Variants in ZEB2 observed in about 807,000 individuals in gnomAD.
ZEB2 encodes the protein zinc finger E-box-binding homeobox 2.
ZEB2 carries 6 observed loss-of-function variants against 99.9 expected under a neutral mutation model. That is an observed-to-expected ratio of 0.06 (90% CI 0.03 to 0.12). ZEB2 has a LOEUF of 0.12. Among genes scored for constraint, ZEB2 ranks in the 10% least tolerant of loss-of-function variants. The pLI, the probability that ZEB2 is intolerant of heterozygous loss-of-function variation, is 1.00. For synonymous variants in ZEB2, 517 were observed against 542.5 expected (o/e 0.95, Z 0.65); for missense variants, 969 against 1,502.8 (o/e 0.64, Z 5.87).
intron 2 of ZEB2, among the ~76,000 whole-genome samples, chr2:144,471,002 G>T (rs1704347578): frequency 6.6e-6 from 1 of 152,222 alleles, no homozygotes; most frequent in Non-Finnish European, 1.5e-5. Context: ...AGGACAAAAA[G>T]AAAATAAGGA....
chr2:144,494,178 A>T lies in ZEB2; in HGVS notation c.73+23100T>A, dbSNP rs1462390789. ...AAAAAAAAAAAAAAAAAAAAAAAAT[A>T]GATTGTCAAAAACTCTAATAAAACA... On this transcript the variant is annotated intron_variant, in intron 2 of 9. Coordinates refer to ENST00000627532, the MANE Select transcript of ZEB2 (RefSeq NM_014795.4). 3.3e-5 allele frequency: 5 copies of T among 149,686 alleles called. No individual in the cohort carries two copies. The East Asian group carries it at 9.8e-4, about 29-fold the overall frequency. 9.3% of individuals were successfully genotyped at this position (149,686 alleles called of 1,614,324 possible). A position where few individuals can be genotyped will look rare whatever the true frequency, so the allele number is the denominator to read the frequency against.
chr2:144,455,922 C>T (rs891692503), intron 2 of ZEB2, among the ~76,000 whole-genome samples: 2 of 152,066 alleles, frequency 1.3e-5, no homozygotes, highest in African/African-American at 4.8e-5. Flanking sequence ...GTTAGAATCA[C>T]ATAATCTTAA....
At chr2:144,405,120 C>A (rs1703369721) in intron 4 of ZEB2, 96 bp from the exon 5 acceptor site, 13 of 1,261,324 alleles carry the variant, frequency 1.0e-5, no homozygotes, top group Non-Finnish European at 1.5e-5. Flanking sequence ...TGCTGACTTG[C>A]AATAGACTAC....
intron 2 of ZEB2, among the ~76,000 whole-genome samples, chr2:144,448,439 G>A (rs1284459336): frequency 6.6e-6 from 1 of 152,162 alleles, no homozygotes; most frequent in Non-Finnish European, 1.5e-5. Flanking sequence ...CAGCTAAGTG[G>A]TGAAATTGAG....
Position 144,399,867 on chromosome 2 carries a change from A to C in ZEB2, c.1320T>G (p.Gly440=). ...CAAGTAAAGGGGCTTCCATCCCTAC[A>C]CCTAAGTGCTGCATTGGACTCTGAG... ...PSAQSPMQHL[G]VGMEAPLLGF... is the part of the protein sequence containing the mutation. Residue 440 remains glycine, a synonymous_variant, in exon 8 of 10, where the codon GGT becomes GGG. Transcript: ENST00000627532. The surrounding 1 kb of genome is among the most constrained non-coding windows in gnomAD (Gnocchi z 5.6). The C allele has an allele frequency of 6.2e-7, 1 of 1,614,166 alleles. No homozygotes were observed. Among genetic ancestry groups the C allele is most frequent in the South Asian group, 1.1e-5 (1 of 91,080 alleles).
At chr2:144,513,819 T>C (rs768732670) in intron 2 of ZEB2, 1 of 1,535,906 alleles carries the variant, frequency 6.5e-7, no homozygotes, top group Non-Finnish European at 8.7e-7. Flanking sequence ...TAGTGGGGTA[T>C]AATCAGGGGA....
intron 2 of ZEB2, among the ~76,000 whole-genome samples, chr2:144,487,589 T>C (rs1056195300): frequency 1.3e-5 from 2 of 152,264 alleles, no homozygotes; most frequent in African/African-American, 4.8e-5. Context: ...TATTTAACTT[T>C]ACAATTATAT....
At chr2:144,435,845 G>T (rs1703830205) in intron 2 of ZEB2, among the ~76,000 whole-genome samples, 1 of 151,678 alleles carries the variant, frequency 6.6e-6, no homozygotes, top group Non-Finnish European at 1.5e-5. Flanking sequence ...CCAAGTATGT[G>T]CTACTGAGGA....
intron 2 of ZEB2, among the ~76,000 whole-genome samples, chr2:144,437,930 T>C (rs768035617): frequency 4.6e-5 from 7 of 152,208 alleles, no homozygotes; most frequent in Non-Finnish European, 8.8e-5. Context: ...ATTGTTTTAG[T>C]TGCCCCACCC....
chr2:144,401,882 A>G (rs999205238), intron 6 of ZEB2, among the ~76,000 whole-genome samples: 2 of 152,268 alleles, frequency 1.3e-5, no homozygotes, highest in African/African-American at 4.8e-5. Context: ...TCATTACATG[A>G]TGAGCATGTT....
chr2:144,483,148 A>ACACACACATG lies in ZEB2; in HGVS notation c.73+34129_73+34130insCATGTGTGTG, dbSNP rs1553968380. On this transcript the variant is annotated intron_variant, in intron 2 of 9. Transcript: ENST00000627532. Reference sequence around the variant, plus strand: ...CACACACACACACACACACACACACACACACACACACACACATACCCTAAG... The same window carrying ACACACACATG: ...CACACACACACACACACACACACACACACACACATGCACACACACACACACATACCCTAAG... Among the ~76,000 whole-genome samples, 1,282 of 144,108 alleles carry ACACACACATG rather than the reference A, an allele frequency of 8.9e-3. 15 individuals carry two copies. Among genetic ancestry groups the ACACACACATG allele is most frequent in the African/African-American group, 0.023 (903 of 39,632 alleles). 94.5% of individuals were successfully genotyped at this position (144,108 alleles called of 152,430 possible).
chr2:144,484,088 G>A (rs1045496983), intron 2 of ZEB2, among the ~76,000 whole-genome samples: 4 of 151,686 alleles, frequency 2.6e-5, no homozygotes, highest in African/African-American at 7.3e-5. Flanking sequence ...TTTTTCTTAC[G>A]GAACTCAAAG....
intron 4 of ZEB2, among the ~76,000 whole-genome samples, chr2:144,416,927 T>A (rs922735232): frequency 6.6e-6 from 1 of 152,228 alleles, no homozygotes; most frequent in Non-Finnish European, 1.5e-5. Flanking sequence ...GTATTTCAAA[T>A]AAAACGTCTT....
Position 144,399,162 on chromosome 2 carries a change from C to T in ZEB2, c.2025G>A (p.Leu675=), listed in dbSNP as rs766681099. ...MNMEPNSDEL[L]KISIAVGLPQ... Reference sequence around the variant, plus strand: ...GAAGGCCCACAGCAATGGAAATTTTCAGCAGTTCATCGGAGTTGGGCTCCA... The same window carrying T: ...GAAGGCCCACAGCAATGGAAATTTTTAGCAGTTCATCGGAGTTGGGCTCCA... The change falls in exon 8 of 10, where the codon CTG becomes CTA. Residue 675 remains leucine, a synonymous_variant. Transcript: ENST00000627532. This position sits in a 1 kb window ranked among gnomAD's most constrained non-coding sequence, Gnocchi z 5.6. 1 of 1,614,154 alleles carries T rather than the reference C, an allele frequency of 6.2e-7. No individual in the cohort carries two copies. Among genetic ancestry groups the T allele is most frequent in the Non-Finnish European group, 8.5e-7 (1 of 1,180,022 alleles).
chr2:144,419,800 A>G (rs1252448600), intron 4 of ZEB2, among the ~76,000 whole-genome samples: 2 of 152,220 alleles, frequency 1.3e-5, no homozygotes. Context: ...AAAAAAAATA[A>G]AAACTGGTGA....
chr2:144,408,171 C>CT (rs1166603207), intron 4 of ZEB2, among the ~76,000 whole-genome samples: 9 of 152,260 alleles, frequency 5.9e-5, no homozygotes, highest in African/African-American at 1.9e-4. Context: ...AAGGATTCAT[C>CT]TTTGATCATC....
rs763126798 is a variant in ZEB2 at position 144,511,685 on chromosome 2, A to C, written c.73+5593T>G. On this transcript the variant is annotated intron_variant, in intron 2 of 9. Coordinates refer to ENST00000627532, the MANE Select transcript of ZEB2 (RefSeq NM_014795.4). ...TAAACAGAGCTATGTAAATATATAC[A>C]AAATTCACAAATCACAGCAAACATA... The C allele has an allele frequency of 7.8e-6, 10 of 1,287,078 alleles. No homozygotes were observed. In the South Asian group the frequency reaches 1.1e-4, roughly 14 times the overall value. The allele number at this position is 1,287,078 out of a possible 1,614,324, so 79.7% of individuals were successfully genotyped here.
intron 2 of ZEB2, among the ~76,000 whole-genome samples, chr2:144,466,238 A>T (rs993894934): frequency 1.3e-5 from 2 of 152,208 alleles, no homozygotes; most frequent in Non-Finnish European, 2.9e-5. Context: ...TTATGGAATT[A>T]TCTGAAAAAT....
chr2:144,384,302 A>C lies in ZEB2; in HGVS notation c.*5149T>G, dbSNP rs1703052192. On this transcript the variant is annotated 3_prime_UTR_variant, in exon 10 of 10. Transcript: ENST00000627532. ...TTTAGCTTGTGGCATATTCAGCATCATATTATCTCGGTGCCATTTCTCTGA... is the reference window on the plus strand; with the variant it reads ...TTTAGCTTGTGGCATATTCAGCATCCTATTATCTCGGTGCCATTTCTCTGA... 1 of 152,138 alleles carries C rather than the reference A, an allele frequency of 6.6e-6. No individual in the cohort carries two copies. Among genetic ancestry groups the C allele is most frequent in the East Asian group, 1.9e-4 (1 of 5,196 alleles). 9.4% of individuals were successfully genotyped at this position (152,138 alleles called of 1,614,324 possible).
Sources: gnomAD v4.1 joint callset for allele counts (sites outside exome capture counted in the v4.1 genomes callset) on GRCh38, gnomAD v4.1.1 for gene constraint, Gnocchi (gnomAD v3.1) non-coding constraint, MANE v1.5 for transcripts, NCBI Gene and HGNC (gene_info 2026-07-23, HGNC 2026-07-21) for gene names.